The following TAFA4 variants were observed in gnomAD, a reference collection of about 807,000 sequenced individuals.
The protein encoded by TAFA4 is TAFA chemokine like family member 4.
TAFA4 carries 20 observed loss-of-function variants against 21.1 expected under a neutral mutation model. The ratio of observed to expected loss-of-function variants is 0.95; its 90% CI spans 0.67 to 1.38. The LOEUF is 1.38. Ranked by LOEUF, TAFA4 falls within the 40% of genes most tolerant of loss-of-function variation. The pLI, the probability that TAFA4 is intolerant of heterozygous loss-of-function variation, is 0.00. For missense variants in TAFA4, 211 were observed against 180.9 expected (o/e 1.17, Z -0.95); for synonymous variants, 71 against 67.4 (o/e 1.05, Z -0.26).
At chr3:68,739,253 G>A (rs1702302059) in intron 4 of TAFA4, 54 bp from the exon 5 acceptor site, 5 of 1,600,450 alleles carry the variant, frequency 3.1e-6, no homozygotes, top group Middle Eastern at 1.7e-4. Flanking sequence ...CTCCAAAGAT[G>A]GACAAAATAA....
intron 2 of TAFA4, among the ~76,000 whole-genome samples, chr3:68,884,777 C>G (rs1190163283): frequency 2.0e-5 from 3 of 152,220 alleles, no homozygotes; most frequent in African/African-American, 7.2e-5. Flanking sequence ...CTATCTTCTT[C>G]TTACGTGGAC....
chr3:68,845,114 T>C (rs1048959339), intron 3 of TAFA4, among the ~76,000 whole-genome samples: 4 of 152,180 alleles, frequency 2.6e-5, no homozygotes, highest in Admixed American at 2.6e-4. Context: ...AGTGGGGTGT[T>C]AAAGTCTCCC....
At chr3:68,756,440 A>G (rs1373790709) in intron 3 of TAFA4, among the ~76,000 whole-genome samples, 3 of 152,212 alleles carry the variant, frequency 2.0e-5, no homozygotes, top group Non-Finnish European at 4.4e-5. Flanking sequence ...CCACTGGTTA[A>G]TGCTTTGCTT....
chr3:68,886,613 A>T (rs185098614), intron 1 of TAFA4, among the ~76,000 whole-genome samples: 39 of 152,338 alleles, frequency 2.6e-4, no homozygotes, highest in Non-Finnish European at 4.7e-4. Flanking sequence ...AATTCATTAA[A>T]AAAATAGATC....
chr3:68,817,353 A>G (rs1386410854), intron 3 of TAFA4, among the ~76,000 whole-genome samples: 1 of 152,120 alleles, frequency 6.6e-6, no homozygotes. Context: ...TTTCTACTAC[A>G]TCTGCAGTTA....
At chr3:68,802,704 C>G (rs959344090) in intron 3 of TAFA4, among the ~76,000 whole-genome samples, 1 of 152,150 alleles carries the variant, frequency 6.6e-6, no homozygotes, top group African/African-American at 2.4e-5. Flanking sequence ...ACAGAGCACA[C>G]AGAGAACTGT....
At chr3:68,856,167 C>T (rs951483949) in intron 3 of TAFA4, among the ~76,000 whole-genome samples, 8 of 152,236 alleles carry the variant, frequency 5.3e-5, no homozygotes, top group African/African-American at 1.9e-4. Flanking sequence ...TGATTCCATG[C>T]AGATGAACAC....
intron 1 of TAFA4, among the ~76,000 whole-genome samples, chr3:68,897,550 C>T (rs572001801): frequency 9.9e-5 from 15 of 151,770 alleles, no homozygotes; most frequent in Non-Finnish European, 1.9e-4. Context: ...CGCTTGAACC[C>T]GGGAGGCAGA....
intron 3 of TAFA4, among the ~76,000 whole-genome samples, chr3:68,805,862 G>A (rs993833636): frequency 4.6e-5 from 7 of 152,028 alleles, no homozygotes; most frequent in African/African-American, 1.2e-4. Flanking sequence ...GCTAAATGAC[G>A]AGTTAATGGG....
At chr3:68,827,705 T>C (rs1704283032) in intron 3 of TAFA4, among the ~76,000 whole-genome samples, 1 of 152,238 alleles carries the variant, frequency 6.6e-6, no homozygotes, top group South Asian at 2.1e-4. Flanking sequence ...TGTCTGTTCA[T>C]ATCCCTTGCC....
At chr3:68,781,482 G>A (rs1033156627) in intron 3 of TAFA4, among the ~76,000 whole-genome samples, 24 of 151,812 alleles carry the variant, frequency 1.6e-4, no homozygotes, top group African/African-American at 5.8e-4. Context: ...AAGGAAAAAT[G>A]GTATATTATG....
At chr3:68,845,662 T>G (rs1355314869) in intron 3 of TAFA4, among the ~76,000 whole-genome samples, 1 of 152,206 alleles carries the variant, frequency 6.6e-6, no homozygotes, top group Non-Finnish European at 1.5e-5. Flanking sequence ...GGTACCAGTT[T>G]TTCCTTTCCA....
intron 1 of TAFA4, among the ~76,000 whole-genome samples, chr3:68,891,456 A>G (rs2089729964): frequency 1.3e-5 from 2 of 152,116 alleles, no homozygotes; most frequent in South Asian, 4.1e-4. Context: ...TTCCAGACTC[A>G]CCATCAGTTC....
Position 68,745,221 on chromosome 3 carries a change from C to T in TAFA4, c.287-6022G>A, listed in dbSNP as rs111397455. On this transcript the variant is annotated intron_variant, in intron 4 of 5. Coordinates refer to ENST00000295569, the MANE Select transcript of TAFA4 (RefSeq NM_182522.5). ...AGCCAGGAAATTTAAGCTTCGAGTG[C>T]ACCTTCAGCCTCACTAGCAGGGACA... Among the ~76,000 whole-genome samples the T allele has an allele frequency of 3.3e-3, 508 of 152,274 alleles. 6 individuals carry two copies. Among genetic ancestry groups the T allele is most frequent in the African/African-American group, 0.011 (453 of 41,542 alleles).
At chr3:68,870,656 G>T (rs1333098874) in intron 3 of TAFA4, among the ~76,000 whole-genome samples, 2 of 152,038 alleles carry the variant, frequency 1.3e-5, no homozygotes, top group East Asian at 1.9e-4. Context: ...TGCCATGGTG[G>T]TTTGCTGCAT....
intron 1 of TAFA4, among the ~76,000 whole-genome samples, chr3:68,894,538 C>T (rs1401498696): frequency 1.3e-5 from 2 of 152,180 alleles, no homozygotes; most frequent in East Asian, 3.9e-4. Flanking sequence ...CCTGTGTGTA[C>T]TGAAAGCAGA....
chr3:68,743,549 CTGGG>C (rs1274976088), intron 4 of TAFA4, among the ~76,000 whole-genome samples: 1 of 148,500 alleles, frequency 6.7e-6, no homozygotes, highest in Non-Finnish European at 1.5e-5. Context: ...GCATTCCAGC[CTGGG>C]TGACAGAGCA....
chr3:68,768,333 G>T (rs1702893856), intron 3 of TAFA4, among the ~76,000 whole-genome samples: 1 of 152,012 alleles, frequency 6.6e-6, no homozygotes, highest in Admixed American at 6.6e-5. Flanking sequence ...ACATACAAAT[G>T]GCCAACAGGT....
At chr3:68,890,553 G>A (rs1055089634) in intron 1 of TAFA4, among the ~76,000 whole-genome samples, 3 of 152,102 alleles carry the variant, frequency 2.0e-5, no homozygotes, top group Admixed American at 2.0e-4. Flanking sequence ...CCATGCACTT[G>A]TTAGTCATTT....
Sources: allele counts gnomAD v4.1 joint callset (sites outside exome capture counted in the v4.1 genomes callset), GRCh38; gene constraint gnomAD v4.1.1; transcripts MANE v1.5; gene names NCBI Gene and HGNC (gene_info 2026-07-23, HGNC 2026-07-21).